Variants in IQGAP3 observed in about 807,000 individuals in gnomAD.
IQGAP3 encodes the protein ras GTPase-activating-like protein IQGAP3.
Under a neutral mutation model 208.2 loss-of-function variants are expected in IQGAP3, and 165 were observed. The ratio of observed to expected loss-of-function variants is 0.79; its 90% CI spans 0.70 to 0.90. The LOEUF is 0.90. IQGAP3 is among the 40% of genes least tolerant of loss of function. IQGAP3 has a pLI of 0.00. For synonymous variants in IQGAP3, 703 were observed against 803.6 expected, an observed-to-expected ratio of 0.87 and a Z score of 2.12; for missense variants, 1,811 against 2,043.1, an observed-to-expected ratio of 0.89 and a Z score of 2.19.
intron 11 of IQGAP3, 68 bp downstream of exon 11, chr1:156,560,866 G>A: frequency 9.0e-7 from 1 of 1,113,610 alleles, no homozygotes; most frequent in South Asian, 1.3e-5. Context: ...AGCCAGCAAA[G>A]AGGTGGGATA....
At chr1:156,567,078 G>C (rs1246072058) in intron 2 of IQGAP3, among the ~76,000 whole-genome samples, 1 of 152,152 alleles carries the variant, frequency 6.6e-6, no homozygotes, top group South Asian at 2.1e-4. Flanking sequence ...TGTTGGTCAG[G>C]CTGGTCTCAA....
At chr1:156,571,384 T>C (rs1676636355) in intron 1 of IQGAP3, among the ~76,000 whole-genome samples, 1 of 152,220 alleles carries the variant, frequency 6.6e-6, no homozygotes, top group South Asian at 2.1e-4. Context: ...TCCTATTTCC[T>C]TATATTGCAT....
intron 12 of IQGAP3, among the ~76,000 whole-genome samples, chr1:156,556,312 T>C (rs865952848): frequency 2.0e-5 from 3 of 152,234 alleles, no homozygotes; most frequent in Admixed American, 6.5e-5. Context: ...GCCTCCCTCA[T>C]AGGGTCCTTT....
chr1:156,534,582 G>C lies in IQGAP3; in HGVS notation c.3659C>G (p.Ala1220Gly). Residue 1220 changes from alanine (A) to glycine (G), a missense_variant, in exon 29 of 38, where the codon GCG becomes GGG. Ala to Gly is a moderately conservative substitution (Grantham distance 60). Coordinates refer to ENST00000361170, the MANE Select transcript of IQGAP3 (RefSeq NM_178229.5). ...CTGCCCAGAGAAGGCCTTGCCAGCC[G>C]CAGCGTGCTGTAGGAGCTGAGCCAC... ...GAVAQLLQHA[A>G]AGKAFSGQSQ... The C allele has an allele frequency of 1.2e-6, 2 of 1,612,040 alleles. No individual in the cohort carries two copies. Among genetic ancestry groups the C allele is most frequent in the Non-Finnish European group, 1.7e-6 (2 of 1,179,302 alleles).
chr1:156,562,437 C>A, intron 9 of IQGAP3, 150 bp downstream of exon 9: 1 of 678,362 alleles, frequency 1.5e-6, no homozygotes. Context: ...AGTGCACATA[C>A]TCCTTGGACT....
chr1:156,540,928 G>C lies in IQGAP3; in HGVS notation c.2531-12C>G. The stretch of plus-strand genomic sequence containing the variant: ...GTGGGGTGCATGCACTGGGAGGAAG[G>C]GAGGAGGCATCAGGATTAGCCATGC... On this transcript the variant is annotated splice_polypyrimidine_tract_variant and intron_variant, in intron 22 of 37. Transcript: ENST00000361170. 6.2e-7 allele frequency: 1 copy of C among 1,610,206 alleles called. No homozygotes were observed. Among genetic ancestry groups the C allele is most frequent in the Non-Finnish European group, 8.5e-7 (1 of 1,177,194 alleles).
chr1:156,562,040 G>A, intron 9 of IQGAP3, 39 bp from the exon 10 acceptor site: 1 of 1,541,098 alleles, frequency 6.5e-7, no homozygotes, highest in Non-Finnish European at 8.8e-7. Flanking sequence ...GTGTGAGAAA[G>A]CCACCTCTCA....
At chr1:156,528,090 C>T (rs376401426) in intron 36 of IQGAP3, 30 bp from the exon 37 acceptor site, 44 of 1,530,984 alleles carry the variant, frequency 2.9e-5, no homozygotes, top group African/African-American at 5.5e-5. Context: ...AAACAGGAAC[C>T]CACTGCCTCT....
intron 37 of IQGAP3, among the ~76,000 whole-genome samples, chr1:156,527,053 G>A (rs900704886): frequency 7.9e-5 from 12 of 151,056 alleles, no homozygotes; most frequent in South Asian, 2.1e-4. Context: ...GGCTGGTCTT[G>A]AACTGCTGAC....
chr1:156,534,032 C>T lies in IQGAP3; in HGVS notation c.3850G>A (p.Gly1284Arg). The T allele has an allele frequency of 1.2e-6, 2 of 1,613,930 alleles. No homozygotes were observed. Among genetic ancestry groups the T allele is most frequent in the Non-Finnish European group, 1.7e-6 (2 of 1,180,032 alleles). The change falls in exon 30 of 38, where the codon GGG (glycine) becomes AGG (arginine). Residue 1284 changes from glycine (G) to arginine (R), a missense_variant. Transcript: ENST00000361170. ...ACCCTGTGCGTGTTGACCAGCTCCCCCACGGTGATGTACACCATGGGTTTG... is the reference window on the plus strand; with the variant it reads ...ACCCTGTGCGTGTTGACCAGCTCCCTCACGGTGATGTACACCATGGGTTTG... ...VAKPMVYITV[G>R]ELVNTHRLLL...
At position 156,560,921 on chromosome 1, in the gene IQGAP3, G is replaced by T; in HGVS notation, c.1129+13C>A. The stretch of plus-strand genomic sequence containing the variant: ...TACGCACAGAGCAGGCCTCAGACCT[G>T]CAGATGACTTACTGGCTTGTTCCTG... On this transcript the variant is annotated intron_variant, in intron 11 of 37. Coordinates refer to ENST00000361170, the MANE Select transcript of IQGAP3 (RefSeq NM_178229.5). 6.3e-7 allele frequency: 1 copy of T among 1,592,638 alleles called. No individual in the cohort carries two copies. The highest frequency in any genetic ancestry group is 8.6e-7 in the Non-Finnish European group (1 of 1,160,750).
chr1:156,535,924 G>A (rs1344889432), intron 27 of IQGAP3, among the ~76,000 whole-genome samples: 1 of 152,212 alleles, frequency 6.6e-6, no homozygotes, highest in Non-Finnish European at 1.5e-5. Flanking sequence ...TTATGTCTGC[G>A]AGAGTAACGT....
chr1:156,537,399 G>A (rs1674743049), intron 26 of IQGAP3, 78 bp from the exon 27 acceptor site: 11 of 1,385,044 alleles, frequency 7.9e-6, no homozygotes, highest in African/African-American at 2.9e-5. Context: ...TTCCTTAAAC[G>A]CTTGTCTAAC....
intron 23 of IQGAP3, among the ~76,000 whole-genome samples, 195 bp from the exon 24 acceptor site, chr1:156,540,185 C>T (rs753589671): frequency 3.9e-5 from 6 of 152,096 alleles, no homozygotes; most frequent in Admixed American, 2.0e-4. Context: ...TGTTTCCTCT[C>T]CTGTCATGGG....
intron 2 of IQGAP3, among the ~76,000 whole-genome samples, chr1:156,567,165 C>T (rs1234441208): frequency 1.3e-5 from 2 of 152,248 alleles, no homozygotes; most frequent in Non-Finnish European, 2.9e-5. Flanking sequence ...CCGCGCCCGG[C>T]CCTAGTTACA....
chr1:156,552,341 A>T (rs538573686), intron 13 of IQGAP3, among the ~76,000 whole-genome samples: 13 of 152,162 alleles, frequency 8.5e-5, no homozygotes, highest in Admixed American at 2.6e-4. Context: ...ATTGTAGATG[A>T]TCTCACCCAA....
Position 156,563,656 on chromosome 1 carries a change from G to C in IQGAP3, c.516C>G (p.Leu172=). ...TGGCCAGTTCGGACGCCATGTTGCT[G>C]AGTTCCTCAGCTGCAATGATGCCAC... ...YGKVKFTAEE[L]SNMASELAKY... Residue 172 remains leucine (L), a synonymous_variant, in exon 7 of 38, where the codon CTC becomes CTG. Transcript: ENST00000361170. 6.2e-7 allele frequency: 1 copy of C among 1,612,752 alleles called. No individual in the cohort carries two copies. Among genetic ancestry groups the C allele is most frequent in the Non-Finnish European group, 8.5e-7 (1 of 1,179,466 alleles).
At chr1:156,563,387 C>T in intron 7 of IQGAP3, 75 bp from the exon 8 acceptor site, 1 of 1,468,942 alleles carries the variant, frequency 6.8e-7, no homozygotes, top group East Asian at 2.3e-5. Context: ...TAGCAGCCCA[C>T]TCTAATGTCA....
intron 31 of IQGAP3, among the ~76,000 whole-genome samples, chr1:156,533,395 G>A (rs1486324355): frequency 6.6e-6 from 1 of 152,150 alleles, no homozygotes; most frequent in African/African-American, 2.4e-5. Context: ...GTGCCTCCCT[G>A]AGCCTGCAGC....
Sources: gnomAD v4.1 joint callset for allele counts (sites outside exome capture counted in the v4.1 genomes callset) on GRCh38, gnomAD v4.1.1 for gene constraint, MANE v1.5 for transcripts, NCBI Gene and HGNC (gene_info 2026-07-23, HGNC 2026-07-21) for gene names.